The following NYAP2 variants were observed in gnomAD, a reference collection of about 807,000 sequenced individuals.
The protein encoded by NYAP2 is neuronal tyrosine-phosphorylated phosphoinositide-3-kinase adaptor 2.
NYAP2 carries 23 observed loss-of-function variants against 50.4 expected under a neutral mutation model. That is an observed-to-expected ratio of 0.46 (90% CI 0.33 to 0.65). The LOEUF (loss-of-function observed/expected upper bound fraction) is 0.65. Ranked by LOEUF, NYAP2 falls within the 30% of genes least tolerant of loss-of-function variation. The pLI is 0.02. For synonymous variants in NYAP2, 394 were observed against 365.2 expected, an observed-to-expected ratio of 1.08 and a Z score of -0.90; for missense variants, 885 against 861.0, an observed-to-expected ratio of 1.03 and a Z score of -0.35.
chr2:225,400,160 A>C (rs1694836805), exon 1 of NYAP2: 1 of 152,124 alleles, frequency 6.6e-6, no homozygotes, highest in East Asian at 1.9e-4. Context: ...CCTAGTGAGC[A>C]GGAACTATCC....
At chr2:225,495,262 G>T (rs900819977) in intron 3 of NYAP2, among the ~76,000 whole-genome samples, 2 of 152,100 alleles carry the variant, frequency 1.3e-5, no homozygotes, top group Non-Finnish European at 2.9e-5. Flanking sequence ...AAGTGAATTT[G>T]GGGGAATATC....
chr2:225,669,288 G>A, the NYAP2 span, among the ~76,000 whole-genome samples: 1 of 151,840 alleles, frequency 6.6e-6, no homozygotes, highest in Non-Finnish European at 1.5e-5. Context: ...ACGTGAATTT[G>A]GCTTTTATTA....
chr2:225,580,325 A>T (rs1253316765), intron 4 of NYAP2, among the ~76,000 whole-genome samples: 1 of 152,222 alleles, frequency 6.6e-6, no homozygotes, highest in Non-Finnish European at 1.5e-5. Context: ...AGTAAAATAT[A>T]TGCCAAGTTA....
chr2:225,505,007 CG>C (rs1303490755), intron 3 of NYAP2, among the ~76,000 whole-genome samples: 4 of 107,296 alleles, frequency 3.7e-5, no homozygotes, highest in African/African-American at 6.8e-5. Flanking sequence ...GACTGCGTCT[CG>C]AAAAAAAAAA....
chr2:225,507,506 G>A (rs540251061), intron 3 of NYAP2, among the ~76,000 whole-genome samples: 2 of 152,306 alleles, frequency 1.3e-5, no homozygotes, highest in African/African-American at 4.8e-5. Flanking sequence ...GTCCTAATCA[G>A]CAGGTGCTTT....
chr2:225,486,721 G>A (rs1690305469), intron 3 of NYAP2, among the ~76,000 whole-genome samples: 1 of 152,154 alleles, frequency 6.6e-6, no homozygotes, highest in Admixed American at 6.5e-5. Flanking sequence ...CTACTTTGTA[G>A]GTGAGTTGGC....
At chr2:225,657,301 G>A (rs954815272), downstream of NYAP2, among the ~76,000 whole-genome samples, 2 of 151,412 alleles carry the variant, frequency 1.3e-5, no homozygotes, top group African/African-American at 2.4e-5. Flanking sequence ...TAGTAGAGAC[G>A]GGGTTTCACC....
At chr2:225,585,621 C>T (rs931690042) in intron 5 of NYAP2, among the ~76,000 whole-genome samples, 1 of 152,164 alleles carries the variant, frequency 6.6e-6, no homozygotes, top group Non-Finnish European at 1.5e-5. Flanking sequence ...AAAGGGCATG[C>T]CTCTGAGTTA....
intron 4 of NYAP2, among the ~76,000 whole-genome samples, chr2:225,549,696 C>A (rs887721597): frequency 6.6e-6 from 1 of 152,042 alleles, no homozygotes; most frequent in East Asian, 1.9e-4. Context: ...GGTCTAGAAA[C>A]AATCCATGTG....
At chr2:225,594,591 G>A (rs1005980030) in intron 5 of NYAP2, among the ~76,000 whole-genome samples, 2 of 152,130 alleles carry the variant, frequency 1.3e-5, no homozygotes, top group Non-Finnish European at 2.9e-5. Flanking sequence ...GAAAGACATT[G>A]CATAAATCCA....
At chr2:225,688,650 T>G in the NYAP2 span, among the ~76,000 whole-genome samples, 2 of 152,240 alleles carry the variant, frequency 1.3e-5, no homozygotes, top group Non-Finnish European at 2.9e-5. Context: ...TAACTTGTTC[T>G]GATCTCACAT....
chr2:225,409,013 G>A, exon 3 of NYAP2: 1 of 1,612,524 alleles, frequency 6.2e-7, no homozygotes, highest in Non-Finnish European at 8.5e-7. Context: ...TATTGCTCGA[G>A]AGAATGATCG....
At chr2:225,655,907 C>CACACACACACACACACACACACACACAT (rs1188029337), downstream of NYAP2, among the ~76,000 whole-genome samples, 23 of 144,714 alleles carry the variant, frequency 1.6e-4, no homozygotes, top group African/African-American at 5.7e-4. Context: ...CACACACACA[C>CACACACACACACACACACACACACACAT]ACACACACAC....
chr2:225,567,384 A>ACTTATACAC (rs1190805230), intron 4 of NYAP2, among the ~76,000 whole-genome samples: 2 of 152,198 alleles, frequency 1.3e-5, no homozygotes, highest in Non-Finnish European at 2.9e-5. Flanking sequence ...ACTTTGAATC[A>ACTTATACAC]TTATACACTT....
Position 225,515,984 on chromosome 2 carries a change from G to A in NYAP2, c.523+2312G>A, listed in dbSNP as rs933488274. 1.2e-4 allele frequency among the ~76,000 whole-genome samples: 19 copies of A among 152,262 alleles called. No homozygotes were observed. In the East Asian group the frequency reaches 3.1e-3, roughly 25 times the overall value. On this transcript the variant is annotated intron_variant, in intron 4 of 6. Transcript: ENST00000636099. ...ATGTGTTATCAATGCCTTGTTGGCA[G>A]AAACATTTCTAGAAAGCGTGTAAAA...
At chr2:225,409,025 T>C in exon 3 of NYAP2, 2 of 1,612,410 alleles carry the variant, frequency 1.2e-6, no homozygotes, top group Non-Finnish European at 1.7e-6. Flanking sequence ...GAATGATCGC[T>C]TGAGAAATGA....
chr2:225,681,644 T>C, the NYAP2 span, among the ~76,000 whole-genome samples: 1 of 152,192 alleles, frequency 6.6e-6, no homozygotes, highest in African/African-American at 2.4e-5. Flanking sequence ...TCACATGCTA[T>C]TTTCCAGGAA....
At chr2:225,447,027 G>A (rs192540175) in intron 3 of NYAP2, among the ~76,000 whole-genome samples, 21 of 152,042 alleles carry the variant, frequency 1.4e-4, no homozygotes, top group Middle Eastern at 6.8e-3. Flanking sequence ...TGGGAATCCT[G>A]TATCAATAGC....
chr2:225,574,472 A>G (rs1416175609), intron 4 of NYAP2, among the ~76,000 whole-genome samples: 1 of 152,120 alleles, frequency 6.6e-6, no homozygotes, highest in Non-Finnish European at 1.5e-5. Context: ...AAGCTCTTGA[A>G]TCTACTCTCC....
Sources: gnomAD v4.1 joint callset for allele counts (sites outside exome capture counted in the v4.1 genomes callset) on GRCh38, gnomAD v4.1.1 for gene constraint, MANE v1.5 for transcripts, NCBI Gene and HGNC (gene_info 2026-07-23, HGNC 2026-07-21) for gene names.